LDHAL6B: variants seen among roughly 807,000 people sequenced by gnomAD.
LDHAL6B encodes the protein lactate dehydrogenase A like 6B.
For synonymous variants in LDHAL6B, 205 were observed against 170.6 expected (o/e 1.20, Z -1.57); for missense variants, 523 against 473.9 (o/e 1.10, Z -0.96).
Position 59,207,006 on chromosome 15 carries a change from A to T in LDHAL6B, c.66A>T (p.Leu22=). 1 of 1,613,768 alleles carries T rather than the reference A, an allele frequency of 6.2e-7. No homozygotes were observed. The highest frequency in any genetic ancestry group is 1.6e-4 in the Middle Eastern group (1 of 6,062). The part of the protein sequence containing the change: ...QRVSSVGANF[L]CLGMALCPRQ... ...TGAGCTCGGTGGGAGCGAATTTCCT[A>T]TGCCTGGGGATGGCCCTGTGTCCGC... Residue 22 remains leucine, a synonymous_variant, in exon 1 of 1, where the codon CTA becomes CTT. Transcript: ENST00000307144.
rs1428195877 is a variant in LDHAL6B, at chr15:59,208,034, T to G, written c.1094T>G (p.Leu365Arg). 1 of 1,589,200 alleles carries G rather than the reference T, an allele frequency of 6.3e-7. No homozygotes were observed. Among genetic ancestry groups the G allele is most frequent in the Non-Finnish European group, 8.5e-7 (1 of 1,173,840 alleles). ...IKLTPEEEAH[L>R]KKSAKTLWEI... ...CTGACCCCTGAAGAAGAGGCCCATCTGAAAAAAAGTGCAAAAACACTCTGG... is the reference window on the plus strand; with the variant it reads ...CTGACCCCTGAAGAAGAGGCCCATCGGAAAAAAAGTGCAAAAACACTCTGG... The change falls in exon 1 of 1, where the codon CTG becomes CGG. Residue 365 changes from leucine (L) to arginine (R), a missense_variant. Physicochemically the swap from Leu to Arg is moderately radical, Grantham distance 102. Coordinates refer to ENST00000307144, the MANE Select transcript of LDHAL6B (RefSeq NM_033195.3).
At position 59,207,877 on chromosome 15, in the gene LDHAL6B, T is replaced by C. The variant is rs754856923; in HGVS notation, c.937T>C (p.Leu313=). 2 of 1,614,242 alleles carry C rather than the reference T, an allele frequency of 1.2e-6. No individual in the cohort carries two copies. Among genetic ancestry groups the C allele is most frequent in the Non-Finnish European group, 1.7e-6 (2 of 1,180,038 alleles). The change falls in exon 1 of 1, where the codon TTG becomes CTG. Residue 313 remains leucine, a synonymous_variant. Coordinates refer to ENST00000307144, the MANE Select transcript of LDHAL6B (RefSeq NM_033195.3). ...LSVADLTESI[L]KNLRRIHPVS... Reference sequence around the variant, plus strand: ...TGTGGCCGATTTAACAGAAAGTATTTTGAAGAATCTTAGGAGAATACATCC... The same window carrying C: ...TGTGGCCGATTTAACAGAAAGTATTCTGAAGAATCTTAGGAGAATACATCC...
Position 59,207,164 on chromosome 15 carries a change from T to C in LDHAL6B, c.224T>C (p.Ile75Thr), listed in dbSNP as rs549398247. ...GTTCATCACAGTAAGGTCTCCATCA[T>C]AGGAACTGGATCGGTGGGCATGGCC... ...KPVHHSKVSI[I>T]GTGSVGMACA... The change falls in exon 1 of 1, where the codon ATA becomes ACA. Residue 75 changes from isoleucine (I) to threonine (T), a missense_variant. Ile to Thr is a moderately conservative substitution (Grantham distance 89). Transcript: ENST00000307144. 59 of 1,614,212 alleles carry C rather than the reference T, an allele frequency of 3.7e-5. No homozygotes were observed. In the East Asian group the frequency reaches 5.3e-4, roughly 15 times the overall value.
At position 59,206,981 on chromosome 15, in the gene LDHAL6B, T is replaced by G; in HGVS notation, c.41T>G (p.Val14Gly). The change falls in exon 1 of 1, where the codon GTG becomes GGG. Residue 14 changes from valine to glycine, a missense_variant. Val to Gly is a moderately radical substitution (Grantham distance 109, BLOSUM62 -3). Transcript: ENST00000307144. ...TVPVVRASQR[V>G]SSVGANFLCL... Reference sequence around the variant, plus strand: ...CCTGTTGTGCGGGCCAGCCAGAGAGTGAGCTCGGTGGGAGCGAATTTCCTA... The same window carrying G: ...CCTGTTGTGCGGGCCAGCCAGAGAGGGAGCTCGGTGGGAGCGAATTTCCTA... 6 of 1,614,162 alleles carry G rather than the reference T, an allele frequency of 3.7e-6. No individual in the cohort carries two copies. Among genetic ancestry groups the G allele is most frequent in the Non-Finnish European group, 5.1e-6 (6 of 1,180,004 alleles).
chr15:59,206,886 G>A lies in LDHAL6B; in HGVS notation c.-55G>A, dbSNP rs1297310748. On this transcript the variant is annotated 5_prime_UTR_variant, in exon 1 of 1. Coordinates refer to ENST00000307144, the MANE Select transcript of LDHAL6B (RefSeq NM_033195.3). ...CCAACGGCTCTCTTGGCGTCTCAAC[G>A]TTCGGATCAGCAGCTTTTTTCCATT... 1.7e-5 allele frequency: 26 copies of A among 1,548,832 alleles called. No homozygotes were observed. The highest frequency in any genetic ancestry group is 1.8e-4 in the Middle Eastern group (1 of 5,702).
At position 59,207,948 on chromosome 15, in the gene LDHAL6B, A is replaced by G; in HGVS notation, c.1008A>G (p.Val336=). Residue 336 remains valine, a synonymous_variant, in exon 1 of 1, where the codon GTA becomes GTG. Coordinates refer to ENST00000307144, the MANE Select transcript of LDHAL6B (RefSeq NM_033195.3). The part of the protein sequence containing the change: ...IKGLYGIDEE[V]FLSIPCILGE... ...GCCTCTATGGAATAGATGAAGAAGT[A>G]TTCCTCAGTATTCCTTGTATCCTGG... 9 of 1,614,010 alleles carry G rather than the reference A, an allele frequency of 5.6e-6. No homozygotes were observed. Among genetic ancestry groups the G allele is most frequent in the Non-Finnish European group, 6.8e-6 (8 of 1,179,850 alleles).
rs1410286653 is a variant in LDHAL6B at position 59,207,324 on chromosome 15, T to C, written c.384T>C (p.Cys128=). ...SPFTKMPNIV[C]SKDYFVTANS... is the part of the protein sequence containing the mutation. ...TCACGAAAATGCCAAATATTGTTTG[T>C]AGCAAAGATTACTTTGTCACAGCAA... The change falls in exon 1 of 1, where the codon TGT becomes TGC. Residue 128 remains cysteine, a synonymous_variant. Transcript: ENST00000307144. 3 of 1,614,096 alleles carry C rather than the reference T, an allele frequency of 1.9e-6. No homozygotes were observed. Among genetic ancestry groups the C allele is most frequent in the African/African-American group, 1.3e-5 (1 of 75,038 alleles).
rs763317300 is a variant in LDHAL6B, at chr15:59,208,081, C to T, written c.1141C>T (p.Leu381Phe). The T allele has an allele frequency of 9.6e-6, 15 of 1,563,768 alleles. No individual in the cohort carries two copies. Among genetic ancestry groups the T allele is most frequent in the South Asian group, 1.2e-5 (1 of 81,550 alleles). ...CTGGGAAATTCAGAATAAGCTTAAG[C>T]TTTAAAGTTGCCTAAAACTACCATT... ...TLWEIQNKLK[L>F] is the part of the protein sequence containing the mutation. Residue 381 changes from leucine (L) to phenylalanine (F), a missense_variant, in exon 1 of 1, where the codon CTT becomes TTT. Coordinates refer to ENST00000307144, the MANE Select transcript of LDHAL6B (RefSeq NM_033195.3).
At position 59,207,114 on chromosome 15, in the gene LDHAL6B, T is replaced by A; in HGVS notation, c.174T>A (p.Ile58=). 1 of 1,614,276 alleles carries A rather than the reference T, an allele frequency of 6.2e-7. No homozygotes were observed. Among genetic ancestry groups the A allele is most frequent in the Non-Finnish European group, 8.5e-7 (1 of 1,180,050 alleles). The part of the protein sequence containing the change: ...SKMATVKSEL[I]ERFTSEKPVH... ...TGGCGACTGTGAAGAGTGAGCTTAT[T>A]GAGCGTTTCACTTCCGAGAAGCCCG... The change falls in exon 1 of 1, where the codon ATT becomes ATA. Residue 58 remains isoleucine (I), a synonymous_variant. Transcript: ENST00000307144.
chr15:59,208,427 C>A lies in LDHAL6B; in HGVS notation c.*341C>A. The A allele has an allele frequency of 1.7e-6, 1 of 585,396 alleles. No individual in the cohort carries two copies. The highest frequency in any genetic ancestry group is 3.1e-6 in the Non-Finnish European group (1 of 324,520). 36.3% of individuals were successfully genotyped at this position (585,396 alleles called of 1,614,324 possible). A position where few individuals can be genotyped will look rare whatever the true frequency, so the allele number is the denominator to read the frequency against. ...TTAGATATATGCTATTTCTTTCATT[C>A]TTGCTGGTTTATACCTATGTTCATT... On this transcript the variant is annotated 3_prime_UTR_variant, in exon 1 of 1. Coordinates refer to ENST00000307144, the MANE Select transcript of LDHAL6B (RefSeq NM_033195.3).
rs2079854597 is a variant in LDHAL6B at position 59,208,385 on chromosome 15, A to G, written c.*299A>G. On this transcript the variant is annotated 3_prime_UTR_variant, in exon 1 of 1. Transcript: ENST00000307144. ...ATGTAGGTATTTATTGTGTTCTAGA[A>G]ATTCCGACTCTTTTCATTAGATATA... The G allele has an allele frequency of 3.6e-6, 2 of 560,422 alleles. No homozygotes were observed. Among genetic ancestry groups the G allele is most frequent in the Middle Eastern group, 4.9e-4 (1 of 2,026 alleles). 34.7% of individuals were successfully genotyped at this position (560,422 alleles called of 1,614,324 possible).
rs555090169 is a variant in LDHAL6B at position 59,207,032 on chromosome 15, G to A, written c.92G>A (p.Arg31His). 2.1e-5 allele frequency: 34 copies of A among 1,614,128 alleles called. No individual in the cohort carries two copies. The South Asian group carries it at 3.4e-4, about 16-fold the overall frequency. The change falls in exon 1 of 1, where the codon CGT becomes CAT. Residue 31 changes from arginine to histidine, a missense_variant. Coordinates refer to ENST00000307144, the MANE Select transcript of LDHAL6B (RefSeq NM_033195.3). ...FLCLGMALCPRQATRIPLNGT... is the reference protein window; with the variant it reads ...FLCLGMALCPHQATRIPLNGT... ...TGCCTGGGGATGGCCCTGTGTCCGCGTCAAGCAACGCGCATCCCGCTCAAC... is the reference window on the plus strand; with the variant it reads ...TGCCTGGGGATGGCCCTGTGTCCGCATCAAGCAACGCGCATCCCGCTCAAC...
chr15:59,207,402 G>A lies in LDHAL6B; in HGVS notation c.462G>A (p.Thr154=), dbSNP rs777644227. Residue 154 remains threonine, a synonymous_variant, in exon 1 of 1, where the codon ACG becomes ACA. Transcript: ENST00000307144. ...TAGARQEKGE[T]RLNLVQRNVA... ...GTGCACGCCAAGAAAAGGGAGAAAC[G>A]CGCCTTAATTTAGTCCAGCGAAATG... is the stretch of plus-strand genomic sequence containing the variant. The A allele has an allele frequency of 4.1e-5, 66 of 1,613,884 alleles. No homozygotes were observed. The highest frequency in any genetic ancestry group is 1.8e-4 in the East Asian group (8 of 44,898).
Position 59,207,827 on chromosome 15 carries a change from A to G in LDHAL6B, c.887A>G (p.Tyr296Cys). 1.2e-6 allele frequency: 2 copies of G among 1,614,200 alleles called. No individual in the cohort carries two copies. The highest frequency in any genetic ancestry group is 1.7e-6 in the Non-Finnish European group (2 of 1,180,044). ...TAYEIIKMKGYTSWAIGLSVA... is the reference protein window; with the variant it reads ...TAYEIIKMKGCTSWAIGLSVA... ...TATGAGATTATTAAAATGAAAGGTT[A>G]TACTTCTTGGGCCATTGGCCTATCT... The change falls in exon 1 of 1, where the codon TAT (tyrosine) becomes TGT (cysteine). Residue 296 changes from tyrosine (Y) to cysteine (C), a missense_variant. Physicochemically the swap from Tyr to Cys is radical, Grantham distance 194 (BLOSUM62 -2). Transcript: ENST00000307144.
rs764874223 is a variant in LDHAL6B, at chr15:59,207,268, G to A, written c.328G>A (p.Glu110Lys). Reference sequence around the variant, plus strand: ...TCTTGATGAAGACAAACTGAAGGGTGAGACGATGGATCTTCAACATGGCAG... The same window carrying A: ...TCTTGATGAAGACAAACTGAAGGGTAAGACGATGGATCTTCAACATGGCAG... ...VDLDEDKLKGETMDLQHGSPF... is the reference protein window; with the variant it reads ...VDLDEDKLKGKTMDLQHGSPF... Residue 110 changes from glutamate (E) to lysine (K), a missense_variant, in exon 1 of 1, where the codon GAG (glutamate) becomes AAG (lysine). Transcript: ENST00000307144. 4 of 1,614,222 alleles carry A rather than the reference G, an allele frequency of 2.5e-6. No individual in the cohort carries two copies. Among genetic ancestry groups the A allele is most frequent in the South Asian group, 2.2e-5 (2 of 91,080 alleles).
rs1179407995 is a variant in LDHAL6B at position 59,208,197 on chromosome 15, G to A, written c.*111G>A. 34 of 993,956 alleles carry A rather than the reference G, an allele frequency of 3.4e-5. No homozygotes were observed. Among genetic ancestry groups the A allele is most frequent in the Admixed American group, 9.4e-5 (3 of 32,046 alleles). 61.6% of individuals were successfully genotyped at this position (993,956 alleles called of 1,614,324 possible). On this transcript the variant is annotated 3_prime_UTR_variant, in exon 1 of 1. Transcript: ENST00000307144. ...CTAAAAGATGGAAACAGGAAAGTAG[G>A]TAGAGTGATTTTCCTATTTATTTAG...
rs867397850 is a variant in LDHAL6B, at chr15:59,208,259, C to T, written c.*173C>T. On this transcript the variant is annotated 3_prime_UTR_variant, in exon 1 of 1. Coordinates refer to ENST00000307144, the MANE Select transcript of LDHAL6B (RefSeq NM_033195.3). ...TTTTATTGAGCATCCACGTGCTGGA[C>T]GATACTTATTTACAATTCCTAAGTA... is the stretch of plus-strand genomic sequence containing the variant. 1.9e-5 allele frequency: 12 copies of T among 622,810 alleles called. No individual in the cohort carries two copies. Among genetic ancestry groups the T allele is most frequent in the African/African-American group, 9.3e-5 (5 of 53,652 alleles). The allele number at this position is 622,810 out of a possible 1,614,324, so 38.6% of individuals were successfully genotyped here. A position where few individuals can be genotyped will look rare whatever the true frequency, so the allele number is the denominator to read the frequency against.
chr15:59,206,898 A>G lies in LDHAL6B; in HGVS notation c.-43A>G. On this transcript the variant is annotated 5_prime_UTR_variant, in exon 1 of 1. Coordinates refer to ENST00000307144, the MANE Select transcript of LDHAL6B (RefSeq NM_033195.3). ...TTGGCGTCTCAACGTTCGGATCAGC[A>G]GCTTTTTTCCATTCTCTCTCTCCAC... The G allele has an allele frequency of 1.9e-6, 3 of 1,577,288 alleles. No homozygotes were observed. The highest frequency in any genetic ancestry group is 2.6e-6 in the Non-Finnish European group (3 of 1,160,124).
At position 59,207,347 on chromosome 15, in the gene LDHAL6B, C is replaced by G; in HGVS notation, c.407C>G (p.Ala136Gly). ...IVCSKDYFVT[A>G]NSNLVIITAG... Reference sequence around the variant, plus strand: ...TGTAGCAAAGATTACTTTGTCACAGCAAACTCCAACCTAGTGATTATCACA... The same window carrying G: ...TGTAGCAAAGATTACTTTGTCACAGGAAACTCCAACCTAGTGATTATCACA... Residue 136 changes from alanine to glycine, a missense_variant, in exon 1 of 1, where the codon GCA (alanine) becomes GGA (glycine). Transcript: ENST00000307144. The G allele has an allele frequency of 6.2e-7, 1 of 1,614,050 alleles. No homozygotes were observed. Among genetic ancestry groups the G allele is most frequent in the Non-Finnish European group, 8.5e-7 (1 of 1,179,934 alleles).
Sources: allele counts gnomAD v4.1 joint callset, GRCh38; gene constraint gnomAD v4.1.1; transcripts MANE v1.5; gene names NCBI Gene and HGNC (gene_info 2026-07-23, HGNC 2026-07-21).